Variants in GLDC observed in about 807,000 individuals in gnomAD.
GLDC encodes glycine dehydrogenase (decarboxylating), mitochondrial.
GLDC carries 104 observed loss-of-function variants against 121.3 expected under a neutral mutation model. The observed-to-expected ratio is 0.86, with a 90% CI of 0.73 to 1.01. The LOEUF is 1.01. Among genes scored for constraint, GLDC ranks in the 50% least tolerant of loss-of-function variants. GLDC has a pLI of 0.00. For missense variants in GLDC, 1,429 were observed against 1,306.6 expected (o/e 1.09, Z -1.44); for synonymous variants, 546 against 480.6 (o/e 1.14, Z -1.78).
At chr9:6,600,321 G>C (rs1818579449) in intron 8 of GLDC, among the ~76,000 whole-genome samples, 1 of 151,592 alleles carries the variant, frequency 6.6e-6, no homozygotes. Flanking sequence ...GCTGCAGTGA[G>C]CTATGGCCAT....
chr9:6,572,914 T>C (rs940807015), intron 15 of GLDC, among the ~76,000 whole-genome samples: 1 of 152,172 alleles, frequency 6.6e-6, no homozygotes, highest in Admixed American at 6.5e-5. Flanking sequence ...TTAAAGTCAC[T>C]CATTCCCAGG....
Position 6,600,206 on chromosome 9 carries a change from A to T in GLDC, c.1155+1903T>A, listed in dbSNP as rs1818577329. ...AAGTGAGACCTCGCCTCTACAAAACATTTTTTTGAAAATTAGCTGGGCGTG... is the reference window on the plus strand; with the variant it reads ...AAGTGAGACCTCGCCTCTACAAAACTTTTTTTTGAAAATTAGCTGGGCGTG... On this transcript the variant is annotated intron_variant, in intron 8 of 24. Transcript: ENST00000321612. Among the ~76,000 whole-genome samples, 5 of 151,956 alleles carry T rather than the reference A, an allele frequency of 3.3e-5. 2 individuals are homozygous for T. In the South Asian group the frequency reaches 1.0e-3, roughly 32 times the overall value.
chr9:6,610,870 C>T (rs998562677), intron 3 of GLDC, among the ~76,000 whole-genome samples: 1 of 152,134 alleles, frequency 6.6e-6, no homozygotes, highest in African/African-American at 2.4e-5. Flanking sequence ...AACATGCTGG[C>T]ATTATAGGCA....
intron 3 of GLDC, among the ~76,000 whole-genome samples, chr9:6,616,525 G>A (rs575432597): frequency 1.3e-5 from 2 of 152,238 alleles, no homozygotes; most frequent in South Asian, 2.1e-4. Flanking sequence ...AGTGAGCCTT[G>A]GATCTGAGAG....
In GLDC at chr9:6,587,243, A is replaced by G; in HGVS notation, c.1748T>C (p.Val583Ala). Reference sequence around the variant, plus strand: ...ATATCCTTGAGCTTGATCCAGAGGCACAAAGGGGTGGATGTTTGCAAATTC... The same window carrying G: ...ATATCCTTGAGCTTGATCCAGAGGCGCAAAGGGGTGGATGTTTGCAAATTC... ...WKEFANIHPFVPLDQAQGYQQ... is the reference protein window; with the variant it reads ...WKEFANIHPFAPLDQAQGYQQ... Residue 583 changes from valine (V) to alanine (A), a missense_variant, in exon 15 of 25, where the codon GTG (valine) becomes GCG (alanine). By Grantham distance (64) the Val-to-Ala change is moderately conservative. Coordinates refer to ENST00000321612, the MANE Select transcript of GLDC (RefSeq NM_000170.3). The G allele has an allele frequency of 6.2e-7, 1 of 1,614,080 alleles. No homozygotes were observed. The highest frequency in any genetic ancestry group is 8.5e-7 in the Non-Finnish European group (1 of 1,179,902).
intron 19 of GLDC, among the ~76,000 whole-genome samples, chr9:6,553,782 T>C (rs979862540): frequency 6.6e-6 from 1 of 151,926 alleles, no homozygotes; most frequent in Non-Finnish European, 1.5e-5. Context: ...ACAGTGGAGT[T>C]CCATGTCCCT....
chr9:6,632,811 C>A (rs945706406), intron 2 of GLDC, among the ~76,000 whole-genome samples: 1 of 152,198 alleles, frequency 6.6e-6, no homozygotes, highest in African/African-American at 2.4e-5. Flanking sequence ...GTCCTCCCCT[C>A]GGCTGAACTC....
chr9:6,544,124 G>C (rs1055474454), intron 21 of GLDC, among the ~76,000 whole-genome samples: 2 of 152,228 alleles, frequency 1.3e-5, no homozygotes, highest in African/African-American at 4.8e-5. Flanking sequence ...ACTCTGGAAA[G>C]CTCTGCTGGG....
intron 2 of GLDC, among the ~76,000 whole-genome samples, chr9:6,635,857 A>G (rs1281983003): frequency 6.6e-6 from 1 of 152,188 alleles, no homozygotes; most frequent in African/African-American, 2.4e-5. Context: ...CCTGGGTGAC[A>G]TAGCAAGATA....
intron 15 of GLDC, among the ~76,000 whole-genome samples, chr9:6,572,478 G>A (rs768261015): frequency 1.3e-5 from 2 of 152,156 alleles, no homozygotes; most frequent in Non-Finnish European, 2.9e-5. Context: ...TCCCTCTTTT[G>A]TGTGAGTCTA....
chr9:6,602,048 T>C, intron 8 of GLDC, 61 bp downstream of exon 8: 1 of 984,692 alleles, frequency 1.0e-6, no homozygotes, highest in Non-Finnish European at 1.6e-6. Context: ...AATGAATGAA[T>C]GAGTAGCTCA....
chr9:6,629,957 A>ATATATTTTTTTT lies in GLDC; in HGVS notation c.335-9639_335-9638insAAAAAAAATATA. ...TATATATATATATGTATATATATAT[A>ATATATTTTTTTT]TTTTTTTTTTTTAAGAGAGACAAGG... On this transcript the variant is annotated intron_variant, in intron 2 of 24. Coordinates refer to ENST00000321612, the MANE Select transcript of GLDC (RefSeq NM_000170.3). Among the ~76,000 whole-genome samples the ATATATTTTTTTT allele has an allele frequency of 1.9e-4, 16 of 83,026 alleles. No individual in the cohort carries two copies. In the South Asian group the frequency reaches 3.5e-3, roughly 18 times the overall value. 54.5% of individuals were successfully genotyped at this position (83,026 alleles called of 152,430 possible). A position where few individuals can be genotyped will look rare whatever the true frequency, so the allele number is the denominator to read the frequency against.
At chr9:6,611,356 G>C (rs1221703662) in intron 3 of GLDC, among the ~76,000 whole-genome samples, 2 of 152,180 alleles carry the variant, frequency 1.3e-5, no homozygotes, top group African/African-American at 4.8e-5. Context: ...AGGAGATCGA[G>C]ACCATCCTGG....
chr9:6,537,713 G>A (rs926449934), intron 22 of GLDC, among the ~76,000 whole-genome samples: 1 of 152,068 alleles, frequency 6.6e-6, no homozygotes, highest in Admixed American at 6.6e-5. Flanking sequence ...TCCAGGAGGT[G>A]AGCCTGCAGT....
In GLDC at chr9:6,532,680, TGTC is replaced by T; in HGVS notation, c.*334_*336del. ...CATGGACTCTTTTGGAACAAAAAAA[TGTC>T]TATTAAGTCTCCAGGATAGCCTCTA... On this transcript the variant is annotated 3_prime_UTR_variant, in exon 25 of 25. Coordinates refer to ENST00000321612, the MANE Select transcript of GLDC (RefSeq NM_000170.3). The T allele has an allele frequency of 3.2e-6, 1 of 316,568 alleles. No homozygotes were observed. The highest frequency in any genetic ancestry group is 6.1e-6 in the Non-Finnish European group (1 of 164,682). 19.6% of individuals were successfully genotyped at this position (316,568 alleles called of 1,614,324 possible). A position where few individuals can be genotyped will look rare whatever the true frequency, so the allele number is the denominator to read the frequency against.
intron 23 of GLDC, 59 bp from the exon 24 acceptor site, chr9:6,534,847 C>T: frequency 2.3e-6 from 2 of 864,120 alleles, no homozygotes; most frequent in East Asian, 2.4e-5. Flanking sequence ...TCTCCTCCTA[C>T]CCTGCACCTC....
intron 11 of GLDC, chr9:6,591,742 G>T (rs1276819262): frequency 3.8e-6 from 1 of 263,058 alleles, no homozygotes; most frequent in East Asian, 9.1e-5. Context: ...GTGCCACCAT[G>T]CCTGGCTAAT....
In GLDC at chr9:6,595,041, G is replaced by A; in HGVS notation, c.1234C>T (p.His412Tyr). 6.2e-7 allele frequency: 1 copy of A among 1,609,418 alleles called. No homozygotes were observed. Among genetic ancestry groups the A allele is most frequent in the Non-Finnish European group, 8.5e-7 (1 of 1,175,744 alleles). ...HGLEHIARRV[H>Y]NATLILSEGL... is the part of the protein sequence containing the mutation. ...TCTGACAAAATCAAAGTGGCATTAT[G>A]TACCCTCCTAGCAATATGCTCCAGC... Residue 412 changes from histidine to tyrosine, a missense_variant, in exon 9 of 25, where the codon CAT becomes TAT. His to Tyr is a moderately conservative substitution (Grantham distance 83). Transcript: ENST00000321612.
intron 4 of GLDC, among the ~76,000 whole-genome samples, chr9:6,609,894 C>G (rs1361855554): frequency 6.6e-6 from 1 of 152,238 alleles, no homozygotes; most frequent in East Asian, 1.9e-4. Flanking sequence ...TGTCCTTCCT[C>G]CCAAAAATAG....
Sources: allele counts gnomAD v4.1 joint callset (sites outside exome capture counted in the v4.1 genomes callset), GRCh38; gene constraint gnomAD v4.1.1; transcripts MANE v1.5; gene names NCBI Gene and HGNC (gene_info 2026-07-23, HGNC 2026-07-21).